PDZD2: variants seen among roughly 807,000 people sequenced by gnomAD.
PDZD2 encodes the protein PDZ domain containing 2.
A neutral mutation model predicts 220.7 loss-of-function variants in PDZD2; 90 were observed. The ratio of observed to expected loss-of-function variants is 0.41; its 90% CI spans 0.34 to 0.49. The LOEUF is 0.49. Ranked by LOEUF, PDZD2 falls within the 20% of genes least tolerant of loss-of-function variation. PDZD2 has a pLI of 0.28. For synonymous variants in PDZD2, 1,375 were observed against 1,450.5 expected (o/e 0.95, Z 1.18); for missense variants, 3,174 against 3,608.5 (o/e 0.88, Z 3.08).
chr5:31,979,579 CAAAAA>C (rs10590418), intron 2 of PDZD2, among the ~76,000 whole-genome samples: 9 of 138,558 alleles, frequency 6.5e-5, no homozygotes, highest in Non-Finnish European at 1.1e-4. Flanking sequence ...GACTCTGTCT[CAAAAA>C]AAAAAAAAAA....
At chr5:31,752,085 T>TTTTTTTC (rs1561431800) in intron 1 of PDZD2, among the ~76,000 whole-genome samples, 1 of 135,064 alleles carries the variant, frequency 7.4e-6, no homozygotes, top group South Asian at 2.4e-4. Context: ...TTTTTTTTTT[T>TTTTTTTC]TTTTTCTGAG....
At chr5:31,768,657 A>T (rs1752167546) in intron 1 of PDZD2, among the ~76,000 whole-genome samples, 1 of 145,254 alleles carries the variant, frequency 6.9e-6, no homozygotes, top group African/African-American at 2.6e-5. Context: ...AAAAAAAAAA[A>T]ACTGAGACAC....
rs1491316684 is a variant in PDZD2 at position 32,002,591 on chromosome 5, C to CACAG, written c.1254+2323_1254+2324insGACA. Among the ~76,000 whole-genome samples, 3 of 51,436 alleles carry CACAG rather than the reference C, an allele frequency of 5.8e-5. No homozygotes were observed. The East Asian group carries it at 8.1e-4, about 14-fold the overall frequency. 33.7% of individuals were successfully genotyped at this position (51,436 alleles called of 152,430 possible). A position where few individuals can be genotyped will look rare whatever the true frequency, so the allele number is the denominator to read the frequency against. On this transcript the variant is annotated intron_variant, in intron 5 of 24. Transcript: ENST00000438447. ...ATACACACACACACCTCACACATAC[C>CACAG]ACACACACACACCACACACACACCA...
In PDZD2 at chr5:31,920,506, TAAAAAA is replaced by T. The variant is rs869254209; in HGVS notation, c.477-62636_477-62631del. 1.6e-3 allele frequency among the ~76,000 whole-genome samples: 65 copies of T among 39,902 alleles called. 1 individual carries two copies. The highest frequency in any genetic ancestry group is 7.6e-3 in the African/African-American group (64 of 8,450). The allele number at this position is 39,902 out of a possible 152,430, so 26.2% of individuals were successfully genotyped here. ...GGGTTCGCTCTTGGTGTTATATATT[TAAAAAA>T]AAAAAAAAAAAAGTCCAGGCACTCT... On this transcript the variant is annotated intron_variant, in intron 2 of 24. Coordinates refer to ENST00000438447, the MANE Select transcript of PDZD2 (RefSeq NM_178140.4).
intron 6 of PDZD2, among the ~76,000 whole-genome samples, chr5:32,018,765 A>G (rs1039392275): frequency 3.9e-5 from 6 of 152,240 alleles, no homozygotes; most frequent in Non-Finnish European, 8.8e-5. Context: ...CTTAAGCAAC[A>G]CTTCAGCTGG....
chr5:31,660,280 T>C (rs553933529), intron 1 of PDZD2, among the ~76,000 whole-genome samples: 1 of 152,324 alleles, frequency 6.6e-6, no homozygotes, highest in Non-Finnish European at 1.5e-5. Flanking sequence ...ATTGGCATGT[T>C]ATTCTTCCTC....
At chr5:31,974,275 C>A (rs1285155097) in intron 2 of PDZD2, among the ~76,000 whole-genome samples, 1 of 152,164 alleles carries the variant, frequency 6.6e-6, no homozygotes, top group Non-Finnish European at 1.5e-5. Flanking sequence ...GCCACCGCAC[C>A]CAGCTGGCTG....
intron 1 of PDZD2, among the ~76,000 whole-genome samples, chr5:31,757,441 A>T (rs1362846208): frequency 2.0e-5 from 3 of 152,062 alleles, no homozygotes; most frequent in Non-Finnish European, 4.4e-5. Context: ...AATACAAAAA[A>T]ATTAGCCGGG....
At chr5:31,963,997 C>T (rs998363409) in intron 2 of PDZD2, among the ~76,000 whole-genome samples, 2 of 152,156 alleles carry the variant, frequency 1.3e-5, no homozygotes, top group East Asian at 1.9e-4. Context: ...TTCCAGCCCT[C>T]GAGTTTTAGA....
chr5:31,649,198 C>T (rs1355931243), intron 1 of PDZD2, among the ~76,000 whole-genome samples: 3 of 152,036 alleles, frequency 2.0e-5, no homozygotes, highest in Non-Finnish European at 4.4e-5. Context: ...TTTAAAAACA[C>T]AAGTCGTATC....
chr5:32,081,445 G>T (rs939998191), intron 19 of PDZD2, among the ~76,000 whole-genome samples: 4 of 152,264 alleles, frequency 2.6e-5, no homozygotes, highest in African/African-American at 9.6e-5. Context: ...TTCTTTAAGG[G>T]TCCTCGTCAG....
intron 1 of PDZD2, among the ~76,000 whole-genome samples, chr5:31,668,812 G>A (rs930316740): frequency 5.3e-5 from 8 of 152,062 alleles, no homozygotes; most frequent in Admixed American, 2.6e-4. Flanking sequence ...AATAAGAGGG[G>A]AAAAAATGTA....
chr5:32,070,627 T>C (rs1455268536), intron 15 of PDZD2, among the ~76,000 whole-genome samples: 1 of 152,258 alleles, frequency 6.6e-6, no homozygotes, highest in African/African-American at 2.4e-5. Context: ...TCTTGGGTGA[T>C]GTTCATTTGT....
chr5:31,993,688 T>TTCATATATCATATGTC (rs1230147497), intron 3 of PDZD2, among the ~76,000 whole-genome samples: 1 of 152,228 alleles, frequency 6.6e-6, no homozygotes, highest in Non-Finnish European at 1.5e-5. Context: ...TTTCATATGT[T>TTCATATATCATATGTC]GTTTCATATA....
chr5:31,953,901 G>A (rs188673587), intron 2 of PDZD2, among the ~76,000 whole-genome samples: 3 of 151,980 alleles, frequency 2.0e-5, no homozygotes, highest in Non-Finnish European at 4.4e-5. Flanking sequence ...CGCCCACCTC[G>A]GCCTCCCAAA....
At chr5:31,999,006 A>G (rs946183567) in intron 4 of PDZD2, among the ~76,000 whole-genome samples, 1 of 152,254 alleles carries the variant, frequency 6.6e-6, no homozygotes, top group Non-Finnish European at 1.5e-5. Context: ...CCACGATTGA[A>G]GGGGCCTGTC....
Position 31,995,608 on chromosome 5 carries a change from G to A in PDZD2, c.1011G>A (p.Leu337=). ...TTGGCCGAATATGGAAGATGGAGCT[G>A]CTCAAAGAATCGGATGGGCTGGGAA... ...EEVGRIWKME[L]LKESDGLGIQ... The change falls in exon 4 of 25, where the codon CTG becomes CTA. Residue 337 remains leucine (L), a synonymous_variant. Coordinates refer to ENST00000438447, the MANE Select transcript of PDZD2 (RefSeq NM_178140.4). 1 of 1,614,122 alleles carries A rather than the reference G, an allele frequency of 6.2e-7. No homozygotes were observed. The highest frequency in any genetic ancestry group is 8.5e-7 in the Non-Finnish European group (1 of 1,179,974).
chr5:31,776,698 G>GAGTGCAGT (rs1229048873), intron 1 of PDZD2, among the ~76,000 whole-genome samples: 2 of 151,340 alleles, frequency 1.3e-5, no homozygotes, highest in African/African-American at 4.9e-5. Flanking sequence ...GCCCAGGCTG[G>GAGTGCAGT]AGTGCAGTAG....
Position 32,092,995 on chromosome 5 carries a change from C to T in PDZD2, c.7816C>T (p.Leu2606Phe). ...GGGATCGAAATCTACCATCCTAACT[C>T]TCATTCAGGAAGCGAAAGCACAATC... Reference protein sequence around the residue: ...SVGSKSTILTLIQEAKAQSEN... With the variant: ...SVGSKSTILTFIQEAKAQSEN... The change falls in exon 21 of 25, where the codon CTC becomes TTC. Residue 2606 changes from leucine (L) to phenylalanine (F), a missense_variant. By Grantham distance (22) the Leu-to-Phe change is conservative (BLOSUM62 0). This residue lies in a region of PDZD2 where 631 missense variants were observed against 789.9 expected (regional missense o/e 0.80). Coordinates refer to ENST00000438447, the MANE Select transcript of PDZD2 (RefSeq NM_178140.4). 1 of 1,591,810 alleles carries T rather than the reference C, an allele frequency of 6.3e-7. No individual in the cohort carries two copies. The highest frequency in any genetic ancestry group is 1.1e-5 in the South Asian group (1 of 90,402).
Sources: gnomAD v4.1 joint callset for allele counts (sites outside exome capture counted in the v4.1 genomes callset) on GRCh38, gnomAD v4.1.1 for gene constraint, gnomAD v4.1.1 regional missense constraint, MANE v1.5 for transcripts, NCBI Gene and HGNC (gene_info 2026-07-23, HGNC 2026-07-21) for gene names.